The following PDS5A variants were observed in gnomAD, a reference collection of about 807,000 sequenced individuals.
PDS5A encodes the protein sister chromatid cohesion protein PDS5 homolog A.
PDS5A carries 42 observed loss-of-function variants against 167.1 expected under a neutral mutation model. That is an observed-to-expected ratio of 0.25 (90% confidence interval 0.20 to 0.33). The LOEUF is 0.33. Among genes scored for constraint, PDS5A ranks in the 10% least tolerant of loss-of-function variants. The probability of loss-of-function intolerance (pLI) is 1.00; values close to 1 mark genes in which losing one functional copy is unlikely to be tolerated. For synonymous variants in PDS5A, 553 were observed against 554.6 expected (o/e 1.00, Z 0.04); for missense variants, 1,033 against 1,605.9 (o/e 0.64, Z 6.10).
At chr4:39,849,438 C>CAAAAAAAAA in intron 27 of PDS5A, 82 bp downstream of exon 27, 2 of 481,314 alleles carry the variant, frequency 4.2e-6, no homozygotes, top group Non-Finnish European at 3.4e-6. Flanking sequence ...TACGTATGGC[C>CAAAAAAAAA]AAAAAAAAAA....
chr4:39,844,588 C>T, intron 30 of PDS5A, 68 bp downstream of exon 30: 2 of 1,194,322 alleles, frequency 1.7e-6, no homozygotes, highest in Admixed American at 4.5e-5. Context: ...TATGAGACAG[C>T]ACTTTAGGAA....
chr4:39,895,296 G>A (rs1003647360), intron 16 of PDS5A, among the ~76,000 whole-genome samples: 6 of 151,574 alleles, frequency 4.0e-5, no homozygotes, highest in Non-Finnish European at 7.4e-5. Flanking sequence ...ATGGTATAGC[G>A]TACTACTTCT....
At chr4:39,913,227 G>C (rs1724050410) in intron 9 of PDS5A, among the ~76,000 whole-genome samples, 1 of 151,954 alleles carries the variant, frequency 6.6e-6, no homozygotes, top group Non-Finnish European at 1.5e-5. Context: ...TGCGGTTCCA[G>C]GTGCCGGTCA....
chr4:39,827,390 T>C (rs1021994118), intron 32 of PDS5A, among the ~76,000 whole-genome samples: 2 of 152,160 alleles, frequency 1.3e-5, no homozygotes, highest in Admixed American at 1.3e-4. Flanking sequence ...TCTCACAGAC[T>C]TCTGAAAGAC....
At chr4:39,976,353 A>C in intron 2 of PDS5A, 87 bp downstream of exon 2, 2 of 1,143,994 alleles carry the variant, frequency 1.7e-6, no homozygotes, top group Non-Finnish European at 2.5e-6. Context: ...AAAACTTGGA[A>C]CTTTAAAGGC....
chr4:39,875,909 C>A (rs1185089978), intron 19 of PDS5A, among the ~76,000 whole-genome samples: 4 of 151,742 alleles, frequency 2.6e-5, no homozygotes, highest in African/African-American at 9.7e-5. Context: ...TCAACTTTAA[C>A]CTTTCTTCTT....
chr4:39,966,629 T>C (rs986748437), intron 2 of PDS5A, among the ~76,000 whole-genome samples: 17 of 152,228 alleles, frequency 1.1e-4, no homozygotes, highest in Admixed American at 8.5e-4. Context: ...CAGAATAATA[T>C]AGCAGACCAG....
rs561713327 is a variant in PDS5A at position 39,898,245 on chromosome 4, T to C, written c.1770+144A>G. On this transcript the variant is annotated intron_variant, in intron 16 of 32. Transcript: ENST00000303538. ...AGTGAATGGTAAATAGAGAATTAAC[T>C]TGACAATAGATATACTCCAAAGTAA... 2.1e-5 allele frequency: 27 copies of C among 1,312,970 alleles called. 1 individual carries two copies. The South Asian group carries it at 6.7e-4, about 33-fold the overall frequency. 81.3% of individuals were successfully genotyped at this position (1,312,970 alleles called of 1,614,324 possible).
intron 2 of PDS5A, chr4:39,973,335 C>T: frequency 9.3e-6 from 15 of 1,607,154 alleles, no homozygotes; most frequent in South Asian, 1.1e-5. Flanking sequence ...GAACAGCAGG[C>T]TGTTGCATTG....
At chr4:39,924,597 G>C (rs1457655336) in intron 5 of PDS5A, among the ~76,000 whole-genome samples, 1 of 152,206 alleles carries the variant, frequency 6.6e-6, no homozygotes, top group Non-Finnish European at 1.5e-5. Context: ...CAAGCCATTT[G>C]CCACATATGG....
chr4:39,969,856 C>T (rs961237243), intron 2 of PDS5A, among the ~76,000 whole-genome samples: 2 of 151,674 alleles, frequency 1.3e-5, no homozygotes, highest in African/African-American at 4.9e-5. Context: ...AAAACAGACA[C>T]GGTATCTGTA....
intron 15 of PDS5A, 33 bp from the exon 16 acceptor site, chr4:39,898,561 A>AG: frequency 7.6e-7 from 1 of 1,314,610 alleles, no homozygotes; most frequent in Non-Finnish European, 1.0e-6. Context: ...ATATTAGAGA[A>AG]GGAAAAAAAA....
At chr4:39,856,757 A>ACGCCAAG (rs1718556508) in intron 26 of PDS5A, among the ~76,000 whole-genome samples, 1 of 152,150 alleles carries the variant, frequency 6.6e-6, no homozygotes, top group South Asian at 2.1e-4. Flanking sequence ...CAGAGGTTGC[A>ACGCCAAG]GTGAGCCAAG....
At chr4:39,925,535 T>C (rs947603404) in intron 5 of PDS5A, among the ~76,000 whole-genome samples, 3 of 152,320 alleles carry the variant, frequency 2.0e-5, no homozygotes, top group East Asian at 1.9e-4. Flanking sequence ...CTCTATTAGA[T>C]AGTAAGTCCC....
intron 29 of PDS5A, among the ~76,000 whole-genome samples, chr4:39,845,233 T>C (rs772105907): frequency 6.6e-6 from 1 of 152,060 alleles, no homozygotes; most frequent in Non-Finnish European, 1.5e-5. Context: ...TTCTGTAAAA[T>C]TGTGTTTGGT....
chr4:39,877,650 G>A (rs1035733450), intron 18 of PDS5A, among the ~76,000 whole-genome samples: 7 of 151,042 alleles, frequency 4.6e-5, no homozygotes, highest in African/African-American at 7.3e-5. Flanking sequence ...CTTTTTTTGA[G>A]ACAGGATTTC....
At chr4:39,871,124 G>A (rs1478020465) in intron 21 of PDS5A, among the ~76,000 whole-genome samples, 1 of 152,170 alleles carries the variant, frequency 6.6e-6, no homozygotes, top group Non-Finnish European at 1.5e-5. Context: ...TCAGAAGGTA[G>A]AACAGAGGGC....
At chr4:39,973,772 A>G (rs1578860184) in intron 2 of PDS5A, 1 of 1,288,844 alleles carries the variant, frequency 7.8e-7, no homozygotes, top group Non-Finnish European at 1.1e-6. Flanking sequence ...CATGTAATCA[A>G]CCCCTACCAG....
At chr4:39,828,603 A>G (rs1319679709) in intron 32 of PDS5A, among the ~76,000 whole-genome samples, 6 of 152,204 alleles carry the variant, frequency 3.9e-5, no homozygotes, top group African/African-American at 1.4e-4. Context: ...TAAAGTGTAA[A>G]CTGTAGTTGG....
Sources: gnomAD v4.1 joint callset for allele counts (sites outside exome capture counted in the v4.1 genomes callset) on GRCh38, gnomAD v4.1.1 for gene constraint, MANE v1.5 for transcripts, NCBI Gene and HGNC (gene_info 2026-07-23, HGNC 2026-07-21) for gene names.